The following TULP4 variants were observed in gnomAD, a reference collection of about 807,000 sequenced individuals.
The protein encoded by TULP4 is tubby-related protein 4.
Under a neutral mutation model 129.0 loss-of-function variants are expected in TULP4, and 16 were observed. The observed-to-expected ratio is 0.12, with a 90% CI of 0.08 to 0.19. The LOEUF (loss-of-function observed/expected upper bound fraction) is 0.19. Among genes scored for constraint, TULP4 ranks in the 10% least tolerant of loss-of-function variants. The pLI, the probability that TULP4 is intolerant of heterozygous loss-of-function variation, is 1.00. For synonymous variants in TULP4, 998 were observed against 854.0 expected, an observed-to-expected ratio of 1.17 and a Z score of -2.94; for missense variants, 1,842 against 2,059.1, an observed-to-expected ratio of 0.89 and a Z score of 2.04.
At chr6:158,322,741 G>A (rs1392266926) in intron 1 of TULP4, among the ~76,000 whole-genome samples, 1 of 152,160 alleles carries the variant, frequency 6.6e-6, no homozygotes, top group African/African-American at 2.4e-5. Flanking sequence ...CAGGTGCTGC[G>A]TGTATTTGCC....
chr6:158,504,905 C>T (rs892685519), intron 13 of TULP4, among the ~76,000 whole-genome samples: 1 of 152,120 alleles, frequency 6.6e-6, no homozygotes, highest in African/African-American at 2.4e-5. Context: ...TCACCCTATG[C>T]ACACACACAC....
chr6:158,421,827 A>G (rs1023940500), intron 2 of TULP4, among the ~76,000 whole-genome samples: 23 of 152,294 alleles, frequency 1.5e-4, no homozygotes, highest in African/African-American at 5.3e-4. Flanking sequence ...AAATCATGAT[A>G]TATAGTGTTA....
chr6:158,462,285 CT>C (rs112406697), intron 6 of TULP4, among the ~76,000 whole-genome samples: 2,613 of 148,394 alleles, frequency 0.018, 86 homozygotes, highest in African/African-American at 0.06. Context: ...AATGTCTTTT[CT>C]TTTTTTTTTA....
chr6:158,332,443 T>G (rs570597470), intron 1 of TULP4, among the ~76,000 whole-genome samples: 1 of 151,614 alleles, frequency 6.6e-6, no homozygotes, highest in South Asian at 2.1e-4. Flanking sequence ...CCCTCTGGAG[T>G]GCAGGCAAGG....
At chr6:158,296,389 C>T (rs545725636) in intron 1 of TULP4, among the ~76,000 whole-genome samples, 11 of 152,176 alleles carry the variant, frequency 7.2e-5, no homozygotes, top group Admixed American at 3.3e-4. Context: ...GCTGGGCCGC[C>T]GGAGGTGACA....
intron 1 of TULP4, among the ~76,000 whole-genome samples, chr6:158,394,093 T>C (rs1777652836): frequency 1.3e-5 from 2 of 152,320 alleles, no homozygotes; most frequent in South Asian, 2.1e-4. Flanking sequence ...TGCTTAGAAA[T>C]TTCTTCTGGC....
At chr6:158,308,977 A>AGAG (rs1779278407), upstream of TULP4, among the ~76,000 whole-genome samples, 1 of 67,216 alleles carries the variant, frequency 1.5e-5, no homozygotes. Flanking sequence ...CTGGCCGGGC[A>AGAG]GGGGGCTGAC....
At chr6:158,332,169 CAAAAAAAAAAAAAAAAAAAA>C (rs1169601263) in intron 1 of TULP4, among the ~76,000 whole-genome samples, 12 of 65,304 alleles carry the variant, frequency 1.8e-4, no homozygotes, top group Admixed American at 4.3e-4. Flanking sequence ...AAGACTCTGT[CAAAAAAAAAAAAAAAAAAAA>C]AAAAAAAAAA....
intron 1 of TULP4, among the ~76,000 whole-genome samples, chr6:158,234,965 G>A (rs1181430809): frequency 1.3e-5 from 2 of 152,052 alleles, no homozygotes; most frequent in African/African-American, 2.4e-5. Flanking sequence ...CCAGGAGTTC[G>A]AGACCAGCCT....
chr6:158,506,544 C>A, intron 13 of TULP4, 34 bp from the exon 14 acceptor site: 1 of 1,450,360 alleles, frequency 6.9e-7, no homozygotes, highest in Non-Finnish European at 9.7e-7. Context: ...TCACCTTATT[C>A]TTTAATGTCT....
intron 9 of TULP4, among the ~76,000 whole-genome samples, chr6:158,491,424 TCTTTCTTTCTTTCTTTC>T (rs1562589106): frequency 2.5e-5 from 3 of 118,164 alleles, no homozygotes; most frequent in African/African-American, 5.4e-5. Flanking sequence ...TTTCTTTCTT[TCTTTCTTTCTTTCTTTC>T]TTTTCTTTCT....
chr6:158,273,363 C>A (rs546742563), intron 1 of TULP4, among the ~76,000 whole-genome samples: 5 of 110,444 alleles, frequency 4.5e-5, no homozygotes, highest in Admixed American at 4.0e-4. Flanking sequence ...CGTGGGGTTC[C>A]ACAGGGCTCA....
At position 158,277,066 on chromosome 6, in the gene TULP4, AG is replaced by A. The variant is rs1476045185; in HGVS notation, n.69-34984del. Among the ~76,000 whole-genome samples, 13 of 152,160 alleles carry A rather than the reference AG, an allele frequency of 8.5e-5. No homozygotes were observed. In the East Asian group the frequency reaches 2.5e-3, roughly 29 times the overall value. ...GTGGTCCTCCCACCTCTGCTTCCCA[AG>A]TAGCTGGGACTACAGGCGCGTGCTA... is the stretch of plus-strand genomic sequence containing the variant. On this transcript the variant is annotated intron_variant and non_coding_transcript_variant, in intron 1 of 1. Coordinates refer to the TULP4 transcript ENST00000620026.
At chr6:158,297,035 T>C (rs1779047913) in intron 1 of TULP4, among the ~76,000 whole-genome samples, 1 of 152,166 alleles carries the variant, frequency 6.6e-6, no homozygotes, top group Non-Finnish European at 1.5e-5. Flanking sequence ...GGGCTGGTGT[T>C]TCCCAATCCT....
At chr6:158,399,781 C>T (rs1247662600) in intron 1 of TULP4, among the ~76,000 whole-genome samples, 1 of 152,194 alleles carries the variant, frequency 6.6e-6, no homozygotes, top group Non-Finnish European at 1.5e-5. Context: ...GTTCCGCAGC[C>T]AGAATTCATA....
chr6:158,342,793 A>C (rs1754415), intron 1 of TULP4, among the ~76,000 whole-genome samples: 130,971 of 152,100 alleles, frequency 0.86, 56,818 homozygotes, highest in South Asian at 0.93. Context: ...TAAAGCAAGG[A>C]TAAAAAATCA....
chr6:158,503,815 G>A lies in TULP4; in HGVS notation c.4152G>A (p.Val1384=). ...SPHLGREKKK[V]KSQKDQLKSK... ...ACCTGGGGAGAGAGAAGAAGAAAGT[G>A]AAGAGTCAGAAAGACCAACTGAAGT... The change falls in exon 13 of 14, where the codon GTG becomes GTA. Residue 1384 remains valine, a synonymous_variant. Transcript: ENST00000367097. This position sits in a 1 kb window ranked among gnomAD's most constrained non-coding sequence, Gnocchi z 4.3. The A allele has an allele frequency of 6.2e-7, 1 of 1,614,156 alleles. No individual in the cohort carries two copies.
intron 1 of TULP4, among the ~76,000 whole-genome samples, chr6:158,262,093 C>T (rs939718848): frequency 2.0e-5 from 3 of 152,176 alleles, no homozygotes; most frequent in Admixed American, 6.5e-5. Context: ...GGAGACTGGA[C>T]ACTGGGTAGA....
chr6:158,351,603 T>C (rs542486159), intron 1 of TULP4, among the ~76,000 whole-genome samples: 4 of 152,194 alleles, frequency 2.6e-5, no homozygotes, highest in East Asian at 3.9e-4. Context: ...TTTGTGGACT[T>C]TACAAACTTA....
Sources: gnomAD v4.1 joint callset for allele counts (sites outside exome capture counted in the v4.1 genomes callset) on GRCh38, gnomAD v4.1.1 for gene constraint, Gnocchi (gnomAD v3.1) non-coding constraint, MANE v1.5 for transcripts, NCBI Gene and HGNC (gene_info 2026-07-23, HGNC 2026-07-21) for gene names.